DPP10: variants seen among roughly 807,000 people sequenced by gnomAD.
The protein encoded by DPP10 is dipeptidyl peptidase like 10, also known as inactive dipeptidyl peptidase 10.
DPP10 carries 33 observed loss-of-function variants against 120.9 expected under a neutral mutation model. The ratio of observed to expected loss-of-function variants is 0.27; its 90% confidence interval spans 0.21 to 0.37. DPP10 has a LOEUF of 0.37. Ranked by LOEUF, DPP10 falls within the 10% of genes least tolerant of loss-of-function variation. The pLI, the probability that DPP10 is intolerant of heterozygous loss-of-function variation, is 1.00. For synonymous variants in DPP10, 337 were observed against 326.1 expected, an observed-to-expected ratio of 1.03 and a Z score of -0.36; for missense variants, 816 against 942.8, an observed-to-expected ratio of 0.87 and a Z score of 1.76.
intron 3 of DPP10, among the ~76,000 whole-genome samples, chr2:115,486,679 G>T (rs941906370): frequency 6.6e-5 from 10 of 152,096 alleles, no homozygotes; most frequent in Non-Finnish European, 1.2e-4. Context: ...AAAGCTGGTG[G>T]TTATGCTACT....
At chr2:114,829,044 T>G (rs1686824842) in intron 1 of DPP10, among the ~76,000 whole-genome samples, 1 of 152,028 alleles carries the variant, frequency 6.6e-6, no homozygotes, top group Admixed American at 6.5e-5. Context: ...ATCCCAGCAT[T>G]TTGGGAGACC....
chr2:115,109,604 G>C (rs927596452), intron 1 of DPP10, among the ~76,000 whole-genome samples: 8 of 152,150 alleles, frequency 5.3e-5, no homozygotes, highest in South Asian at 2.1e-4. Flanking sequence ...GAAAAAGCTA[G>C]AGAGAATTTC....
intron 1 of DPP10, among the ~76,000 whole-genome samples, chr2:115,083,657 CAA>C (rs72219389): frequency 0.19 from 28,147 of 152,044 alleles, 2,974 homozygotes; most frequent in East Asian, 0.36. Context: ...ACTTAGCTGT[CAA>C]AAAAGTTATT....
intron 1 of DPP10, among the ~76,000 whole-genome samples, chr2:114,943,203 T>C (rs1464376534): frequency 6.6e-6 from 1 of 152,204 alleles, no homozygotes; most frequent in Non-Finnish European, 1.5e-5. Context: ...TCCAGCTTCA[T>C]CCATGTCCCT....
At chr2:114,744,845 T>A (rs1399127496) in intron 1 of DPP10, among the ~76,000 whole-genome samples, 1 of 152,112 alleles carries the variant, frequency 6.6e-6, no homozygotes, top group Non-Finnish European at 1.5e-5. Flanking sequence ...CACTGCAACC[T>A]CCACATCCCA....
intron 1 of DPP10, among the ~76,000 whole-genome samples, chr2:114,742,235 G>A (rs950458097): frequency 6.6e-6 from 1 of 151,656 alleles, no homozygotes; most frequent in African/African-American, 2.4e-5. Context: ...TCCAGTACAG[G>A]AAATGATGCA....
At chr2:115,590,608 A>C (rs930871696) in intron 5 of DPP10, among the ~76,000 whole-genome samples, 15 of 152,232 alleles carry the variant, frequency 9.9e-5, no homozygotes, top group Non-Finnish European at 1.8e-4. Flanking sequence ...TGCTATTGCA[A>C]ATAGTGCCAC....
intron 1 of DPP10, among the ~76,000 whole-genome samples, chr2:114,939,822 A>G (rs1696763065): frequency 1.3e-5 from 2 of 152,148 alleles, no homozygotes; most frequent in Non-Finnish European, 2.9e-5. Flanking sequence ...AAATACTTTT[A>G]TTTACAGCTA....
intron 1 of DPP10, among the ~76,000 whole-genome samples, chr2:114,464,102 A>G (rs1418554384): frequency 6.6e-6 from 1 of 152,180 alleles, no homozygotes; most frequent in Non-Finnish European, 1.5e-5. Context: ...AGAAACATTC[A>G]GGTGCAGGTT....
chr2:115,261,726 CTT>C (rs766594628), intron 1 of DPP10, among the ~76,000 whole-genome samples: 99 of 152,258 alleles, frequency 6.5e-4, no homozygotes, highest in Middle Eastern at 3.4e-3. Flanking sequence ...TCTCATCACT[CTT>C]TTGTATCCTT....
At chr2:115,193,862 C>G (rs772870434) in intron 1 of DPP10, among the ~76,000 whole-genome samples, 2 of 152,144 alleles carry the variant, frequency 1.3e-5, no homozygotes, top group Non-Finnish European at 2.9e-5. Context: ...TAAGTGTCAT[C>G]CAGTCCTGAA....
intron 5 of DPP10, among the ~76,000 whole-genome samples, chr2:115,662,639 G>C (rs2089095577): frequency 6.6e-6 from 1 of 152,116 alleles, no homozygotes; most frequent in African/African-American, 2.4e-5. Flanking sequence ...AAAGGTAAGT[G>C]TTAGCAAGGA....
Position 115,571,427 on chromosome 2 carries a change from T to C in DPP10, c.441+45455T>C, listed in dbSNP as rs2081332479. ...CACCAGTTTCTATTGTTGCCATTTT[T>C]AAAATCCCTGAGAATCCAATGTTTA... is the stretch of plus-strand genomic sequence containing the variant. On this transcript the variant is annotated intron_variant, in intron 5 of 25. Coordinates refer to ENST00000410059, the MANE Select transcript of DPP10 (RefSeq NM_020868.6). Among the ~76,000 whole-genome samples the C allele has an allele frequency of 2.0e-5, 3 of 152,188 alleles. No individual in the cohort carries two copies. The South Asian group carries it at 6.2e-4, about 32-fold the overall frequency.
rs184361411 is a variant in DPP10 at position 115,436,447 on chromosome 2, A to T, written c.272-63063A>T. 3.3e-5 allele frequency among the ~76,000 whole-genome samples: 5 copies of T among 151,870 alleles called. No homozygotes were observed. In the East Asian group the frequency reaches 9.7e-4, roughly 29 times the overall value. On this transcript the variant is annotated intron_variant, in intron 3 of 25. Coordinates refer to ENST00000410059, the MANE Select transcript of DPP10 (RefSeq NM_020868.6). ...ATTAAAGACAACTGAGAAGTGTTAT[A>T]CTGAAATACTTAAATGACATAATTT... is the stretch of plus-strand genomic sequence containing the variant.
chr2:115,032,701 C>T lies in DPP10; in HGVS notation c.61-276538C>T, dbSNP rs188135788. Among the ~76,000 whole-genome samples the T allele has an allele frequency of 7.9e-5, 12 of 150,954 alleles. No individual in the cohort carries two copies. The East Asian group carries it at 1.4e-3, about 17-fold the overall frequency. ...TTTGAGACCAGCCTGGCCAACATGG[C>T]GAAACCCGGTATCTACTGAAAAAAA... is the stretch of plus-strand genomic sequence containing the variant. On this transcript the variant is annotated intron_variant, in intron 1 of 25. Coordinates refer to ENST00000410059, the MANE Select transcript of DPP10 (RefSeq NM_020868.6).
chr2:115,205,531 A>T (rs560869381), intron 1 of DPP10, among the ~76,000 whole-genome samples: 3 of 152,190 alleles, frequency 2.0e-5, no homozygotes, highest in African/African-American at 7.2e-5. Context: ...TACTTTGTAT[A>T]TACCCAAAGG....
At chr2:115,327,778 G>A (rs2062453682) in intron 2 of DPP10, among the ~76,000 whole-genome samples, 1 of 151,958 alleles carries the variant, frequency 6.6e-6, no homozygotes, top group South Asian at 2.1e-4. Context: ...GATGTTGAGA[G>A]TCAAGATGTA....
intron 1 of DPP10, among the ~76,000 whole-genome samples, chr2:115,209,557 ATTTC>A (rs1018139322): frequency 2.0e-5 from 3 of 151,972 alleles, no homozygotes; most frequent in East Asian, 3.9e-4. Context: ...CATTTCTATT[ATTTC>A]TTTCTTATTA....
intron 1 of DPP10, among the ~76,000 whole-genome samples, chr2:115,221,074 A>G (rs569624111): frequency 1.5e-4 from 23 of 152,206 alleles, no homozygotes; most frequent in African/African-American, 5.3e-4. Context: ...TATTTGTTGC[A>G]TTTATATTTC....
Sources: allele counts gnomAD v4.1 joint callset (sites outside exome capture counted in the v4.1 genomes callset), GRCh38; gene constraint gnomAD v4.1.1; transcripts MANE v1.5; gene names NCBI Gene and HGNC (gene_info 2026-07-23, HGNC 2026-07-21).